The following IL23R variants were observed in gnomAD, a reference collection of about 807,000 sequenced individuals.
IL23R encodes the protein interleukin-23 receptor.
In IL23R, 34 loss-of-function variants were observed where a neutral mutation model predicts 56.9. The observed-to-expected ratio is 0.60, with a 90% CI of 0.45 to 0.80. IL23R has a LOEUF of 0.80. Ranked by LOEUF, IL23R falls within the 30% of genes least tolerant of loss-of-function variation. IL23R has a pLI of 0.00. For missense variants in IL23R, 635 were observed against 730.0 expected, an observed-to-expected ratio of 0.87 and a Z score of 1.50; for synonymous variants, 230 against 249.2, an observed-to-expected ratio of 0.92 and a Z score of 0.73.
chr1:67,233,366 A>G (rs572319444), intron 7 of IL23R, among the ~76,000 whole-genome samples: 2 of 147,624 alleles, frequency 1.4e-5, no homozygotes, highest in South Asian at 4.3e-4. Context: ...ATTCTGTCTT[A>G]AAAAAAAAAA....
At chr1:67,150,432 T>G (rs1164097693) in intron 1 of IL23R, among the ~76,000 whole-genome samples, 1 of 151,818 alleles carries the variant, frequency 6.6e-6, no homozygotes, top group Non-Finnish European at 1.5e-5. Context: ...GCTCCCCACC[T>G]TCTGACAGGT....
intron 9 of IL23R, among the ~76,000 whole-genome samples, chr1:67,250,893 G>T (rs1190812970): frequency 6.6e-6 from 1 of 152,200 alleles, no homozygotes; most frequent in Non-Finnish European, 1.5e-5. Context: ...GGTCTAATAA[G>T]CAGGCACAGC....
chr1:67,212,415 G>A (rs1183776042), intron 6 of IL23R, among the ~76,000 whole-genome samples: 3 of 152,208 alleles, frequency 2.0e-5, no homozygotes, highest in African/African-American at 7.2e-5. Context: ...TAGCTCCGTG[G>A]TGGCATTGCC....
At chr1:67,226,810 G>A (rs1005228521) in intron 7 of IL23R, among the ~76,000 whole-genome samples, 2 of 152,172 alleles carry the variant, frequency 1.3e-5, no homozygotes, top group Admixed American at 6.5e-5. Flanking sequence ...AGAAAAGGGT[G>A]GGCATGTGAG....
intron 4 of IL23R, among the ~76,000 whole-genome samples, chr1:67,195,613 G>T (rs552108974): frequency 6.6e-6 from 1 of 152,172 alleles, no homozygotes; most frequent in African/African-American, 2.4e-5. Context: ...TCCTCTCATG[G>T]TGTTCATAGT....
chr1:67,164,090 A>T (rs1646848030), upstream of IL23R, among the ~76,000 whole-genome samples: 1 of 152,234 alleles, frequency 6.6e-6, no homozygotes, highest in East Asian at 1.9e-4. Flanking sequence ...AAGGGAAAAA[A>T]ATATTTGCAA....
intron 9 of IL23R, among the ~76,000 whole-genome samples, chr1:67,253,384 T>G (rs1004884259): frequency 2.0e-5 from 3 of 152,240 alleles, no homozygotes; most frequent in Non-Finnish European, 2.9e-5. Context: ...TAGAGTTGTT[T>G]GGTGTGGCAG....
chr1:67,207,063 C>A lies in IL23R; in HGVS notation c.798+8C>A. 1 of 1,613,444 alleles carries A rather than the reference C, an allele frequency of 6.2e-7. No individual in the cohort carries two copies. Among genetic ancestry groups the A allele is most frequent in the Non-Finnish European group, 8.5e-7 (1 of 1,179,506 alleles). On this transcript the variant is annotated splice_region_variant and intron_variant, in intron 6 of 10. Coordinates refer to ENST00000347310, the MANE Select transcript of IL23R (RefSeq NM_144701.3). ...ACAAACCAAACTTGGAATGTAAGCT[C>A]AACTTTCATTATGCTTTAGCATGTG... is the stretch of plus-strand genomic sequence containing the variant.
chr1:67,218,867 A>G (rs1253235655), intron 6 of IL23R, among the ~76,000 whole-genome samples: 3 of 152,018 alleles, frequency 2.0e-5, no homozygotes, highest in African/African-American at 7.2e-5. Context: ...GGTTGCAGTG[A>G]GCTGTGATCG....
chr1:67,246,320 T>G lies in IL23R; in HGVS notation c.1148+6039T>G, dbSNP rs536111288. On this transcript the variant is annotated intron_variant, in intron 9 of 10. Transcript: ENST00000347310. ...TCATGTCTCTGTCTCCTTCAGTGCT[T>G]CTCTGATCTTAGTTACTTCTTGTCT... 5.0e-3 allele frequency among the ~76,000 whole-genome samples: 760 copies of G among 152,254 alleles called. 2 individuals are homozygous for G. The highest frequency in any genetic ancestry group is 7.1e-3 in the Non-Finnish European group (480 of 67,998).
chr1:67,197,674 G>T (rs537987663), intron 4 of IL23R, among the ~76,000 whole-genome samples: 2 of 152,308 alleles, frequency 1.3e-5, no homozygotes, highest in Admixed American at 1.3e-4. Context: ...ACCAGGTGTG[G>T]TGGCTCACAC....
chr1:67,256,742 A>G (rs1652973755), intron 10 of IL23R, among the ~76,000 whole-genome samples: 1 of 152,204 alleles, frequency 6.6e-6, no homozygotes, highest in African/African-American at 2.4e-5. Flanking sequence ...TGGGGGTTAG[A>G]ACTGCATGTT....
chr1:67,233,170 G>A (rs1182819291), intron 7 of IL23R, among the ~76,000 whole-genome samples: 2 of 107,134 alleles, frequency 1.9e-5, no homozygotes, highest in African/African-American at 7.3e-5. Flanking sequence ...CCAATATGGT[G>A]AAATCCTGTC....
intron 6 of IL23R, among the ~76,000 whole-genome samples, chr1:67,214,392 ACT>A (rs1649692658): frequency 6.6e-6 from 1 of 152,066 alleles, no homozygotes; most frequent in African/African-American, 2.4e-5. Flanking sequence ...CCTCTTTCAA[ACT>A]CTGTTTCCCT....
At position 67,240,103 on chromosome 1, in the gene IL23R, A is replaced by G. The variant is rs1651755541; in HGVS notation, c.1046-76A>G. ...CCTTTGAGACCTTTGCTTTGAGCAG[A>G]GTAAAGAGAATAGTAATTCTGGTAT... is the stretch of plus-strand genomic sequence containing the variant. On this transcript the variant is annotated intron_variant, in intron 8 of 10. Transcript: ENST00000347310. 6.7e-6 allele frequency: 7 copies of G among 1,050,242 alleles called. No homozygotes were observed. The East Asian group carries it at 7.1e-5, about 11-fold the overall frequency. 65.1% of individuals were successfully genotyped at this position (1,050,242 alleles called of 1,614,324 possible). A position where few individuals can be genotyped will look rare whatever the true frequency, so the allele number is the denominator to read the frequency against.
rs569141570 is a variant in IL23R at position 67,143,833 on chromosome 1, G to C, written c.-634+4672G>C. 4.6e-5 allele frequency among the ~76,000 whole-genome samples: 7 copies of C among 152,204 alleles called. No homozygotes were observed. The East Asian group carries it at 1.4e-3, about 29-fold the overall frequency. ...AGGACATCAGCAGAATATGCCACAG[G>C]GATCAATAATAAGTAAATGTGTGTT... On this transcript the variant is annotated intron_variant, in intron 1 of 10. Transcript: ENST00000637002.
At chr1:67,262,836 A>T (rs76083397), downstream of IL23R, among the ~76,000 whole-genome samples, 1 of 152,122 alleles carries the variant, frequency 6.6e-6, no homozygotes, top group African/African-American at 2.4e-5. Context: ...CAAGGTATCA[A>T]TCAGAGGGAG....
chr1:67,149,837 T>C (rs1646712796), intron 1 of IL23R, among the ~76,000 whole-genome samples: 1 of 152,184 alleles, frequency 6.6e-6, no homozygotes, highest in Admixed American at 6.5e-5. Flanking sequence ...TATTATCCTT[T>C]AGGTTAAGGT....
In IL23R at chr1:67,253,990, C is replaced by T. The variant is rs112014923; in HGVS notation, c.1149-1847C>T. 5.0e-3 allele frequency among the ~76,000 whole-genome samples: 760 copies of T among 152,162 alleles called. 3 individuals carry two copies. Among genetic ancestry groups the T allele is most frequent in the Admixed American group, 7.9e-3 (120 of 15,274 alleles). ...TTTGAACAGATACTTTTATTTAATA[C>T]AACTATTCATTATCTATAAAAGCCT... On this transcript the variant is annotated intron_variant, in intron 9 of 10. Coordinates refer to ENST00000347310, the MANE Select transcript of IL23R (RefSeq NM_144701.3).
Sources: gnomAD v4.1 joint callset for allele counts (sites outside exome capture counted in the v4.1 genomes callset) on GRCh38, gnomAD v4.1.1 for gene constraint, MANE v1.5 for transcripts, NCBI Gene and HGNC (gene_info 2026-07-23, HGNC 2026-07-21) for gene names.